The following XPO5 variants were observed in gnomAD, a reference collection of about 807,000 sequenced individuals.
XPO5 encodes exportin-5.
XPO5 carries 46 observed loss-of-function variants against 160.6 expected under a neutral mutation model. The observed-to-expected ratio is 0.29, with a 90% CI of 0.23 to 0.37. XPO5 has a LOEUF of 0.37. XPO5 is among the 10% of genes least tolerant of loss of function. The pLI is 1.00. For synonymous variants in XPO5, 537 were observed against 519.3 expected, an observed-to-expected ratio of 1.03 and a Z score of -0.46; for missense variants, 1,090 against 1,463.9, an observed-to-expected ratio of 0.74 and a Z score of 4.17.
At chr6:43,563,970 T>C (rs956691153) in intron 8 of XPO5, among the ~76,000 whole-genome samples, 1 of 152,164 alleles carries the variant, frequency 6.6e-6, no homozygotes, top group Non-Finnish European at 1.5e-5. Context: ...TTGCCTAAGC[T>C]GGAGTGCAGG....
intron 12 of XPO5, among the ~76,000 whole-genome samples, chr6:43,556,888 G>C (rs1389864867): frequency 1.3e-5 from 2 of 152,166 alleles, no homozygotes. Flanking sequence ...AGCACTTTGG[G>C]ACGCCAAGGC....
At chr6:43,524,409 G>A (rs921581557) in intron 31 of XPO5, 62 bp downstream of exon 31, 1 of 1,549,708 alleles carries the variant, frequency 6.5e-7, no homozygotes, top group Non-Finnish European at 8.7e-7. Flanking sequence ...CTGGTTTATG[G>A]TTTGCCCATA....
At chr6:43,528,700 A>G in intron 24 of XPO5, 128 bp downstream of exon 24, 1 of 853,498 alleles carries the variant, frequency 1.2e-6, no homozygotes, top group Non-Finnish European at 1.9e-6. Flanking sequence ...GCTGGGGTAG[A>G]AGCTCTGCCC....
rs915551971 is a variant in XPO5, at chr6:43,560,975, G to C, written c.1044C>G (p.Asn348Lys). The C allele has an allele frequency of 6.2e-7, 1 of 1,613,824 alleles. No individual in the cohort carries two copies. Among genetic ancestry groups the C allele is most frequent in the African/African-American group, 1.3e-5 (1 of 74,944 alleles). Residue 348 changes from asparagine (N) to lysine (K), a missense_variant, in exon 10 of 32, where the codon AAC (asparagine) becomes AAG (lysine). Physicochemically the swap from Asn to Lys is moderately conservative, Grantham distance 94. This residue lies in a region of XPO5 where 810 missense variants were observed against 1,139.0 expected (regional missense o/e 0.71). Transcript: ENST00000265351. The part of the protein sequence containing the change: ...GADSDVETPS[N>K]FGKYLESFLA... ...GAAAAGATTCCAGGTATTTTCCAAA[G>C]TTTGATGGTGTTTCTACATCAGAAT...
At chr6:43,542,021 C>T (rs1794721943) in intron 20 of XPO5, among the ~76,000 whole-genome samples, 1 of 152,134 alleles carries the variant, frequency 6.6e-6, no homozygotes, top group South Asian at 2.1e-4. Flanking sequence ...CTCAAGTGAT[C>T]TGCCTAAGGC....
At chr6:43,527,272 A>G (rs1447465837) in intron 26 of XPO5, 1 of 213,442 alleles carries the variant, frequency 4.7e-6, no homozygotes, top group East Asian at 1.2e-4. Context: ...GTGTTGCTAC[A>G]AACATGAACT....
chr6:43,570,820 G>A (rs1195851084), intron 4 of XPO5, 37 bp downstream of exon 4: 2 of 1,563,292 alleles, frequency 1.3e-6, no homozygotes, highest in South Asian at 2.4e-5. Context: ...TTGTTCCAAG[G>A]AAAAGTATAC....
intron 22 of XPO5, 85 bp downstream of exon 22, chr6:43,531,394 A>C (rs189490510): frequency 8.0e-7 from 1 of 1,251,796 alleles, no homozygotes; most frequent in Admixed American, 1.7e-5. Flanking sequence ...TTACCTGTAC[A>C]CTAGATGAAA....
intron 11 of XPO5, 78 bp downstream of exon 11, chr6:43,560,100 T>G: frequency 3.5e-5 from 53 of 1,511,918 alleles, no homozygotes; most frequent in Non-Finnish European, 4.5e-5. Context: ...ATTATAGGCG[T>G]GAGCCACCGC....
intron 12 of XPO5, 167 bp from the exon 13 acceptor site, chr6:43,556,131 C>T: frequency 1.1e-6 from 1 of 905,794 alleles, no homozygotes; most frequent in South Asian, 2.2e-5. Context: ...ATTAACGAAT[C>T]CAGAAGTTTT....
At chr6:43,542,417 A>T (rs917207800) in intron 20 of XPO5, among the ~76,000 whole-genome samples, 14 of 149,566 alleles carry the variant, frequency 9.4e-5, no homozygotes, top group African/African-American at 3.4e-4. Context: ...TTATTTTTCA[A>T]TTTTTTTTTT....
Position 43,525,384 on chromosome 6 carries a change from C to T in XPO5, c.3067-170G>A, listed in dbSNP as rs953327671. ...AACTCCTGGGCTCAAGCTATTCTCCCATCTAAGCCTCCCGAATAGCTGGGA... is the reference window on the plus strand; with the variant it reads ...AACTCCTGGGCTCAAGCTATTCTCCTATCTAAGCCTCCCGAATAGCTGGGA... On this transcript the variant is annotated intron_variant, in intron 28 of 31. Transcript: ENST00000265351. 6.3e-6 allele frequency: 4 copies of T among 638,734 alleles called. No homozygotes were observed. In the African/African-American group the frequency reaches 7.4e-5, roughly 12 times the overall value. 39.6% of individuals were successfully genotyped at this position (638,734 alleles called of 1,614,324 possible).
Position 43,527,723 on chromosome 6 carries a change from T to C in XPO5, c.2831A>G (p.Asp944Gly), listed in dbSNP as rs1334682726. The change falls in exon 26 of 32, where the codon GAT becomes GGT. Residue 944 changes from aspartate (D) to glycine (G), a missense_variant. Around this residue, in one of 3 missense-constraint regions of XPO5, gnomAD observed 810 missense variants for 1,139.0 expected, o/e 0.71. Coordinates refer to ENST00000265351, the MANE Select transcript of XPO5 (RefSeq NM_020750.3). ...CTCTGGGTTTTCATCTGCAGCCTCATCTTCTCCACTGCAGAAAACCAGGGG... is the reference window on the plus strand; with the variant it reads ...CTCTGGGTTTTCATCTGCAGCCTCACCTTCTCCACTGCAGAAAACCAGGGG... ...INQRSLLCGEDEAADENPESQ... is the reference protein window; with the variant it reads ...INQRSLLCGEGEAADENPESQ... 2.5e-6 allele frequency: 4 copies of C among 1,613,856 alleles called. No individual in the cohort carries two copies. Among genetic ancestry groups the C allele is most frequent in the Non-Finnish European group, 3.4e-6 (4 of 1,179,888 alleles).
chr6:43,528,268 A>G (rs1170326903), intron 24 of XPO5, 63 bp from the exon 25 acceptor site: 4 of 1,493,366 alleles, frequency 2.7e-6, no homozygotes, highest in Non-Finnish European at 3.7e-6. Context: ...CATAATATCT[A>G]AAGTCAAGTC....
At chr6:43,529,564 A>AG (rs975514467) in intron 23 of XPO5, 2 of 183,346 alleles carry the variant, frequency 1.1e-5, no homozygotes, top group African/African-American at 4.8e-5. Flanking sequence ...AAAAAAAAAA[A>AG]AAAAGAAAAG....
chr6:43,522,963 T>C lies in XPO5; in HGVS notation c.*905A>G, dbSNP rs1793288495. ...AAGTAACCAGGGACCTGAAAGACCA[T>C]GAGATTGTGGAAGGCACCTGGACTT... On this transcript the variant is annotated 3_prime_UTR_variant, in exon 32 of 32. Coordinates refer to ENST00000265351, the MANE Select transcript of XPO5 (RefSeq NM_020750.3). The C allele has an allele frequency of 1.7e-5, 3 of 177,328 alleles. No homozygotes were observed. In the South Asian group the frequency reaches 2.9e-4, roughly 17 times the overall value. The allele number at this position is 177,328 out of a possible 1,614,324, so 11.0% of individuals were successfully genotyped here. A position where few individuals can be genotyped will look rare whatever the true frequency, so the allele number is the denominator to read the frequency against.
At position 43,558,534 on chromosome 6, in the gene XPO5, C is replaced by G. The variant is rs1214210299; in HGVS notation, c.1279G>C (p.Asp427His). The stretch of plus-strand genomic sequence containing the variant: ...AAAGCATTGAAGTCCTCATCGCTAT[C>G]AAAATCAAACCGAGAATATTCACAG... ...PSCEYSRFDF[D>H]SDEDFNAFFN... Residue 427 changes from aspartate (D) to histidine (H), a missense_variant, in exon 12 of 32, where the codon GAT becomes CAT. Asp to His is a moderately conservative substitution (Grantham distance 81). Transcript: ENST00000265351. 6.2e-7 allele frequency: 1 copy of G among 1,604,412 alleles called. No homozygotes were observed. The highest frequency in any genetic ancestry group is 8.5e-7 in the Non-Finnish European group (1 of 1,175,874).
intron 3 of XPO5, among the ~76,000 whole-genome samples, chr6:43,571,439 T>C (rs1199389529): frequency 6.6e-6 from 1 of 151,858 alleles, no homozygotes; most frequent in Non-Finnish European, 1.5e-5. Context: ...TCATGTCTGT[T>C]ATTTAAAAAA....
intron 22 of XPO5, 128 bp from the exon 23 acceptor site, chr6:43,530,952 T>A: frequency 2.5e-6 from 3 of 1,201,622 alleles, no homozygotes; most frequent in Non-Finnish European, 3.4e-6. Context: ...TGTATTTACT[T>A]AAGAGAACTT....
Sources: gnomAD v4.1 joint callset for allele counts (sites outside exome capture counted in the v4.1 genomes callset) on GRCh38, gnomAD v4.1.1 for gene constraint, gnomAD v4.1.1 regional missense constraint, MANE v1.5 for transcripts, NCBI Gene and HGNC (gene_info 2026-07-23, HGNC 2026-07-21) for gene names.